SBNO2: variants seen among roughly 807,000 people sequenced by gnomAD.
The protein encoded by SBNO2 is strawberry notch homolog 2.
In SBNO2, 89 loss-of-function variants were observed where a neutral mutation model predicts 146.3. The ratio of observed to expected loss-of-function variants is 0.61; its 90% CI spans 0.51 to 0.73. The LOEUF (loss-of-function observed/expected upper bound fraction) is 0.73, where lower values mean the gene tolerates loss of function less well. Ranked by LOEUF, SBNO2 falls within the 30% of genes least tolerant of loss-of-function variation. SBNO2 has a pLI of 0.00. For missense variants in SBNO2, 2,092 were observed against 2,003.7 expected (o/e 1.04, Z -0.84); for synonymous variants, 1,147 against 892.6 (o/e 1.29, Z -5.08).
At chr19:1,131,817 C>G (rs1297857333) in intron 4 of SBNO2, among the ~76,000 whole-genome samples, 1 of 152,252 alleles carries the variant, frequency 6.6e-6, no homozygotes, top group Non-Finnish European at 1.5e-5. Flanking sequence ...GAGCCCGACC[C>G]CCCCACTCCG....
chr19:1,145,871 C>G (rs1405008526), intron 4 of SBNO2, among the ~76,000 whole-genome samples: 1 of 152,154 alleles, frequency 6.6e-6, no homozygotes, highest in East Asian at 1.9e-4. Flanking sequence ...GGGGCGCCCC[C>G]CTCCCCTGAA....
chr19:1,141,356 A>C (rs2080135616), intron 4 of SBNO2, among the ~76,000 whole-genome samples: 1 of 152,016 alleles, frequency 6.6e-6, no homozygotes, highest in African/African-American at 2.4e-5. Context: ...CTGGGATTAC[A>C]GGTGCCCGCC....
intron 5 of SBNO2, among the ~76,000 whole-genome samples, chr19:1,124,886 G>A (rs1053469337): frequency 2.0e-5 from 3 of 152,142 alleles, no homozygotes; most frequent in Non-Finnish European, 4.4e-5. Context: ...GGGTGGGTCG[G>A]GGGGTGGTGT....
chr19:1,144,391 G>A lies in SBNO2; in HGVS notation c.279+2918C>T, dbSNP rs748036775. 4.6e-5 allele frequency among the ~76,000 whole-genome samples: 7 copies of A among 152,148 alleles called. No individual in the cohort carries two copies. Among genetic ancestry groups the A allele is most frequent in the Non-Finnish European group, 8.8e-5 (6 of 68,018 alleles). The stretch of plus-strand genomic sequence containing the variant: ...ACGGACGCTGGAGCATGAGGCGGCT[G>A]TAGGCAGGGTGGGCAGGGAGCCGGG... On this transcript the variant is annotated intron_variant, in intron 4 of 31. Coordinates refer to ENST00000361757, the MANE Select transcript of SBNO2 (RefSeq NM_014963.3). This position sits in a 1 kb window ranked among gnomAD's most constrained non-coding sequence, Gnocchi z 4.1.
At chr19:1,165,496 G>A (rs548372794) in intron 1 of SBNO2, among the ~76,000 whole-genome samples, 16 of 152,198 alleles carry the variant, frequency 1.1e-4, no homozygotes, top group South Asian at 8.3e-4. Flanking sequence ...ACTCAGTCCC[G>A]TACCCTTGGA....
chr19:1,128,178 C>CA (rs2079988699), intron 4 of SBNO2: 1 of 484,626 alleles, frequency 2.1e-6, no homozygotes, highest in South Asian at 1.5e-5. Flanking sequence ...TGAGAAACAC[C>CA]AACCCTCAGG....
At chr19:1,147,961 CCT>C (rs1430858933) in intron 3 of SBNO2, among the ~76,000 whole-genome samples, 2 of 152,080 alleles carry the variant, frequency 1.3e-5, no homozygotes, top group Non-Finnish European at 2.9e-5. Context: ...CCCAGGGGCG[CCT>C]CTCTCCAGAT....
chr19:1,145,224 T>C (rs1427117947), intron 4 of SBNO2, among the ~76,000 whole-genome samples: 5 of 147,640 alleles, frequency 3.4e-5, no homozygotes, highest in African/African-American at 1.3e-4. Context: ...CCCAGCACTT[T>C]GGGAGGCTGA....
intron 14 of SBNO2, among the ~76,000 whole-genome samples, chr19:1,118,523 C>T (rs1324090468): frequency 1.3e-5 from 2 of 152,054 alleles, no homozygotes; most frequent in Non-Finnish European, 2.9e-5. Context: ...TTGGGCACCA[C>T]AGGAAGGGGG....
rs2080173431 is a variant in SBNO2 at position 1,144,881 on chromosome 19, G to GAGGGAGAC, written c.279+2420_279+2427dup. Among the ~76,000 whole-genome samples, 1 of 150,074 alleles carries GAGGGAGAC rather than the reference G, an allele frequency of 6.7e-6. No homozygotes were observed. ...AGAGGGAGACACAGACAGAGACAGA[G>GAGGGAGAC]AGGGAGACAGAGAGACAGAGGCGGA... On this transcript the variant is annotated intron_variant, in intron 4 of 31. Coordinates refer to ENST00000361757, the MANE Select transcript of SBNO2 (RefSeq NM_014963.3). The surrounding 1 kb of genome is among the most constrained non-coding windows in gnomAD (Gnocchi z 4.1).
intron 4 of SBNO2, among the ~76,000 whole-genome samples, chr19:1,146,069 C>T (rs888378066): frequency 1.3e-5 from 2 of 152,194 alleles, no homozygotes; most frequent in African/African-American, 4.8e-5. Context: ...CACACCGCCC[C>T]AGCCCCGGCC....
At chr19:1,153,026 G>A (rs1010315370) in intron 2 of SBNO2, among the ~76,000 whole-genome samples, 26 of 151,740 alleles carry the variant, frequency 1.7e-4, no homozygotes, top group African/African-American at 5.8e-4. Context: ...ATGGTGGCGC[G>A]TACCTGTGGT....
chr19:1,127,401 G>A, intron 5 of SBNO2: 1 of 600,264 alleles, frequency 1.7e-6, no homozygotes. Context: ...AGATGTCCTG[G>A]ACGTCGCCTT....
At chr19:1,114,908 T>C (rs993055902) in intron 17 of SBNO2, among the ~76,000 whole-genome samples, 6 of 151,302 alleles carry the variant, frequency 4.0e-5, no homozygotes, top group African/African-American at 7.3e-5. Context: ...GCTGGGATTA[T>C]AGGCGTGAAC....
chr19:1,160,937 G>A (rs577406633), intron 1 of SBNO2, among the ~76,000 whole-genome samples: 5 of 151,242 alleles, frequency 3.3e-5, no homozygotes, highest in Admixed American at 2.0e-4. Flanking sequence ...CATTTGCTCT[G>A]GACGGCCCCT....
In SBNO2 at chr19:1,126,048, C is replaced by A. The variant is rs531211957; in HGVS notation, c.441+1556G>T. On this transcript the variant is annotated intron_variant, in intron 5 of 31. Transcript: ENST00000361757. This position sits in a 1 kb window ranked among gnomAD's most constrained non-coding sequence, Gnocchi z 4.4. Reference sequence around the variant, plus strand: ...GCATCTCTTCTAGACCCGGTCCCCCCCTTGAACTCCAACGTCCTGAGACGG... The same window carrying A: ...GCATCTCTTCTAGACCCGGTCCCCCACTTGAACTCCAACGTCCTGAGACGG... Among the ~76,000 whole-genome samples the A allele has an allele frequency of 8.5e-5, 13 of 152,186 alleles. No individual in the cohort carries two copies. The highest frequency in any genetic ancestry group is 2.0e-4 in the Admixed American group (3 of 15,272).
At position 1,144,392 on chromosome 19, in the gene SBNO2, T is replaced by C. The variant is rs1432068434; in HGVS notation, c.279+2917A>G. ...CGGACGCTGGAGCATGAGGCGGCTG[T>C]AGGCAGGGTGGGCAGGGAGCCGGGC... On this transcript the variant is annotated intron_variant, in intron 4 of 31. Transcript: ENST00000361757. The surrounding 1 kb of genome is among the most constrained non-coding windows in gnomAD (Gnocchi z 4.1). 1.3e-5 allele frequency among the ~76,000 whole-genome samples: 2 copies of C among 152,022 alleles called. No individual in the cohort carries two copies. The highest frequency in any genetic ancestry group is 1.9e-4 in the East Asian group (1 of 5,190).
rs1017876818 is a variant in SBNO2, at chr19:1,108,114, G to A, written c.*106C>T. On this transcript the variant is annotated 3_prime_UTR_variant, in exon 32 of 32. Transcript: ENST00000361757. ...CTGAAGGCACTGCGGCCAGGGCCTA[G>A]GGCTCCTCTGAGCAGTGGTCAGGGG... 2.2e-5 allele frequency: 28 copies of A among 1,252,368 alleles called. No individual in the cohort carries two copies. Among genetic ancestry groups the A allele is most frequent in the East Asian group, 1.6e-4 (4 of 25,626 alleles). The allele number at this position is 1,252,368 out of a possible 1,614,324, so 77.6% of individuals were successfully genotyped here.
chr19:1,125,006 A>G (rs2079949228), intron 5 of SBNO2, among the ~76,000 whole-genome samples: 1 of 152,046 alleles, frequency 6.6e-6, no homozygotes, highest in African/African-American at 2.4e-5. Context: ...TGATTCTGGA[A>G]TATATCCACT....
Sources: allele counts gnomAD v4.1 joint callset (sites outside exome capture counted in the v4.1 genomes callset), GRCh38; gene constraint gnomAD v4.1.1; non-coding constraint Gnocchi (gnomAD v3.1); transcripts MANE v1.5; gene names NCBI Gene and HGNC (gene_info 2026-07-23, HGNC 2026-07-21).